PECR: variants seen among roughly 807,000 people sequenced by gnomAD.
PECR encodes the protein peroxisomal trans-2-enoyl-CoA reductase.
A neutral mutation model predicts 35.3 loss-of-function variants in PECR; 30 were observed. That is an observed-to-expected ratio of 0.85 (90% CI 0.64 to 1.15). PECR has a LOEUF of 1.15. Ranked by LOEUF, PECR falls within the 50% of genes most tolerant of loss-of-function variation. PECR has a pLI of 0.00. For missense variants in PECR, 392 were observed against 370.8 expected (o/e 1.06, Z -0.47); for synonymous variants, 148 against 138.9 (o/e 1.07, Z -0.46).
intron 3 of PECR, among the ~76,000 whole-genome samples, chr2:216,063,645 T>C (rs1480956938): frequency 1.3e-5 from 2 of 151,858 alleles, no homozygotes; most frequent in Non-Finnish European, 2.9e-5. Flanking sequence ...AAATATAACT[T>C]ATGAAAAGTA....
intron 1 of PECR, among the ~76,000 whole-genome samples, chr2:216,079,913 G>A (rs10192811): frequency 6.8e-6 from 1 of 146,114 alleles, no homozygotes; most frequent in South Asian, 2.2e-4. Context: ...CCCAGGAGGC[G>A]GAGGTTGCAG....
intron 1 of PECR, among the ~76,000 whole-genome samples, chr2:216,075,305 A>C (rs942418803): frequency 9.9e-5 from 15 of 152,144 alleles, no homozygotes; most frequent in African/African-American, 3.4e-4. Context: ...CAAGATATTT[A>C]AGTAGGAAAA....
intron 3 of PECR, among the ~76,000 whole-genome samples, chr2:216,063,119 G>A (rs1695391358): frequency 6.6e-6 from 1 of 152,026 alleles, no homozygotes; most frequent in Non-Finnish European, 1.5e-5. Flanking sequence ...ACAGAAATGT[G>A]AACATGTTGG....
intron 4 of PECR, among the ~76,000 whole-genome samples, chr2:216,053,516 T>C (rs1360864950): frequency 6.6e-6 from 1 of 152,162 alleles, no homozygotes; most frequent in Non-Finnish European, 1.5e-5. Context: ...AGTGCTGGGA[T>C]TACAGACGTG....
At chr2:216,051,281 CAAAAA>C (rs147574036) in intron 5 of PECR, among the ~76,000 whole-genome samples, 163 bp downstream of exon 5, 3 of 93,160 alleles carry the variant, frequency 3.2e-5, no homozygotes, top group Admixed American at 1.3e-4. Flanking sequence ...GACTCCATCT[CAAAAA>C]AAAAAAAAAA....
At chr2:216,048,384 T>TAAAAAAA (rs71047969) in intron 6 of PECR, among the ~76,000 whole-genome samples, 1 of 132,892 alleles carries the variant, frequency 7.5e-6, no homozygotes, top group Non-Finnish European at 1.6e-5. Context: ...CTTGTTTTCT[T>TAAAAAAA]AAAAAAAAAA....
Position 216,068,262 on chromosome 2 carries a change from T to C in PECR, c.125-1744A>G, listed in dbSNP as rs1378694410. Among the ~76,000 whole-genome samples the C allele has an allele frequency of 2.5e-5, 3 of 121,824 alleles. No homozygotes were observed. In the South Asian group the frequency reaches 8.0e-4, roughly 32 times the overall value. 79.9% of individuals were successfully genotyped at this position (121,824 alleles called of 152,430 possible). On this transcript the variant is annotated intron_variant, in intron 1 of 7. Coordinates refer to ENST00000265322, the MANE Select transcript of PECR (RefSeq NM_018441.6). ...AAAAAAAAAAAACCGGAACCAGAAA[T>C]GACACTGATGATATAATTAAATAGA... is the stretch of plus-strand genomic sequence containing the variant.
At chr2:216,053,479 C>T (rs764837050) in intron 4 of PECR, among the ~76,000 whole-genome samples, 3 of 151,294 alleles carry the variant, frequency 2.0e-5, no homozygotes, top group Non-Finnish European at 4.4e-5. Context: ...CTCCTGACCT[C>T]GTGATCTGCC....
At chr2:216,030,956 T>TCTCA (rs1488100346) in intron 7 of PECR, among the ~76,000 whole-genome samples, 37 of 113,400 alleles carry the variant, frequency 3.3e-4, no homozygotes, top group East Asian at 1.9e-3. Flanking sequence ...TCTCTCTCTC[T>TCTCA]CACACACACA....
intron 1 of PECR, among the ~76,000 whole-genome samples, chr2:216,069,810 C>T (rs1006017448): frequency 1.3e-5 from 2 of 151,784 alleles, no homozygotes; most frequent in African/African-American, 2.4e-5. Context: ...GTGGTGGGCG[C>T]CTGTAATCCC....
chr2:216,051,052 A>T (rs562123948), intron 5 of PECR, among the ~76,000 whole-genome samples: 1 of 151,924 alleles, frequency 6.6e-6, no homozygotes, highest in Non-Finnish European at 1.5e-5. Flanking sequence ...TTGAGAGGCC[A>T]TGGCGAACAG....
intron 7 of PECR, among the ~76,000 whole-genome samples, chr2:216,031,483 AAGAAAGAAAG>A (rs1173563336): frequency 5.2e-5 from 7 of 135,424 alleles, no homozygotes; most frequent in African/African-American, 2.0e-4. Context: ...AAGAGAAAGA[AAGAAAGAAAG>A]AGAAAGAAAG....
At chr2:216,069,237 G>A (rs1346315015) in intron 1 of PECR, among the ~76,000 whole-genome samples, 3 of 152,206 alleles carry the variant, frequency 2.0e-5, no homozygotes, top group Non-Finnish European at 4.4e-5. Flanking sequence ...CAAGATCAGT[G>A]ATTAATCATG....
At chr2:216,037,374 A>T (rs1694811072), downstream of PECR, among the ~76,000 whole-genome samples, 1 of 152,206 alleles carries the variant, frequency 6.6e-6, no homozygotes, top group Admixed American at 6.5e-5. Context: ...CGCTATGGAG[A>T]TTTAAGGAGT....
intron 4 of PECR, among the ~76,000 whole-genome samples, chr2:216,052,790 C>T (rs1299927563): frequency 6.6e-6 from 1 of 152,066 alleles, no homozygotes; most frequent in Non-Finnish European, 1.5e-5. Context: ...AATTTTTTTC[C>T]GTCCCTGTTT....
chr2:216,051,103 T>C (rs988435362), intron 5 of PECR, among the ~76,000 whole-genome samples: 4 of 150,586 alleles, frequency 2.7e-5, no homozygotes, highest in South Asian at 2.1e-4. Flanking sequence ...CAGGGCAATA[T>C]GGTGAAAACC....
In PECR at chr2:216,031,691, G is replaced by GAGAAAGAAAGAAAGAAAGAA. The variant is rs1395273679; in HGVS notation, c.*440+7480_*440+7499dup. Among the ~76,000 whole-genome samples the GAGAAAGAAAGAAAGAAAGAA allele has an allele frequency of 2.1e-4, 13 of 61,102 alleles. 1 individual carries two copies. The highest frequency in any genetic ancestry group is 5.4e-4 in the African/African-American group (9 of 16,558). 40.1% of individuals were successfully genotyped at this position (61,102 alleles called of 152,430 possible). A position where few individuals can be genotyped will look rare whatever the true frequency, so the allele number is the denominator to read the frequency against. On this transcript the variant is annotated intron_variant and NMD_transcript_variant, in intron 7 of 7. Transcript: ENST00000442122. ...AGAAAGAAAGAAAGAAAGAAAGAAAGAGAAAGAAAGAAAGAAAGAAAGGGA... is the reference window on the plus strand; with the variant it reads ...AGAAAGAAAGAAAGAAAGAAAGAAAGAGAAAGAAAGAAAGAAAGAAAGAAAGAAAGAAAGAAAGAAAGGGA...
chr2:216,068,221 A>G (rs146985051), intron 1 of PECR, among the ~76,000 whole-genome samples: 2,448 of 107,506 alleles, frequency 0.023, 41 homozygotes, highest in Middle Eastern at 0.038. Flanking sequence ...GCAAGACTCC[A>G]TATCAAAAAA....
intron 1 of PECR, among the ~76,000 whole-genome samples, chr2:216,079,352 C>T (rs1424188446): frequency 2.0e-5 from 3 of 151,430 alleles, no homozygotes; most frequent in African/African-American, 7.3e-5. Context: ...CCTTCCAGTC[C>T]ATTTTTGCAT....
Sources: gnomAD v4.1 joint callset for allele counts (sites outside exome capture counted in the v4.1 genomes callset) on GRCh38, gnomAD v4.1.1 for gene constraint, MANE v1.5 for transcripts, NCBI Gene and HGNC (gene_info 2026-07-23, HGNC 2026-07-21) for gene names.